The following ADAM28 variants were observed in gnomAD, a reference collection of about 807,000 sequenced individuals.
ADAM28 encodes ADAM metallopeptidase domain 28.
ADAM28 carries 105 observed loss-of-function variants against 101.2 expected under a neutral mutation model. The observed-to-expected ratio is 1.04, with a 90% CI of 0.89 to 1.22. ADAM28 has a LOEUF of 1.22. Among genes scored for constraint, ADAM28 ranks in the 50% most tolerant of loss-of-function variants. The pLI is 0.00. For missense variants in ADAM28, 1,028 were observed against 945.4 expected (o/e 1.09, Z -1.15); for synonymous variants, 322 against 310.6 (o/e 1.04, Z -0.39).
At chr8:24,311,207 A>G (rs978705595) in intron 4 of ADAM28, among the ~76,000 whole-genome samples, 154 bp from the exon 5 acceptor site, 5 of 152,212 alleles carry the variant, frequency 3.3e-5, no homozygotes, top group African/African-American at 1.2e-4. Context: ...TACATGAAAG[A>G]TTTTAATTAT....
chr8:24,330,060 G>A lies in ADAM28; in HGVS notation c.1048G>A (p.Asp350Asn), dbSNP rs777149299. 1.2e-6 allele frequency: 2 copies of A among 1,613,746 alleles called. No individual in the cohort carries two copies. Among genetic ancestry groups the A allele is most frequent in the South Asian group, 1.1e-5 (1 of 91,066 alleles). Reference sequence around the variant, plus strand: ...GGGCCACAACTTTGGAATGTTTCATGACGACTATTCTTGCAAGTGTCCTTC... The same window carrying A: ...GGGCCACAACTTTGGAATGTTTCATAACGACTATTCTTGCAAGTGTCCTTC... Reference protein sequence around the residue: ...EMGHNFGMFHDDYSCKCPSTI... With the variant: ...EMGHNFGMFHNDYSCKCPSTI... Residue 350 changes from aspartate (D) to asparagine (N), a missense_variant, in exon 11 of 23, where the codon GAC (aspartate) becomes AAC (asparagine). Physicochemically the swap from Asp to Asn is conservative, Grantham distance 23. Coordinates refer to ENST00000265769, the MANE Select transcript of ADAM28 (RefSeq NM_014265.6).
intron 5 of ADAM28, among the ~76,000 whole-genome samples, chr8:24,311,889 C>A (rs1168438344): frequency 6.6e-6 from 1 of 152,034 alleles, no homozygotes; most frequent in African/African-American, 2.4e-5. Flanking sequence ...CAGATGCCCG[C>A]CACCACACCT....
intron 1 of ADAM28, chr8:24,295,928 G>A (rs1250805812): frequency 6.6e-6 from 1 of 152,124 alleles, no homozygotes; most frequent in Admixed American, 6.6e-5. Flanking sequence ...CAATACATAT[G>A]TGCCCCTCTG....
At chr8:24,326,514 G>A (rs1199680382) in intron 9 of ADAM28, 40 bp from the exon 10 acceptor site, 2 of 1,572,534 alleles carry the variant, frequency 1.3e-6, no homozygotes, top group African/African-American at 1.4e-5. Flanking sequence ...ATAGAGCTTA[G>A]CATTATAATT....
intron 8 of ADAM28, chr8:24,322,506 C>T (rs1307151665): frequency 6.6e-6 from 1 of 152,024 alleles, no homozygotes; most frequent in Admixed American, 6.6e-5. Flanking sequence ...TTTGGAAATA[C>T]AGCAGTTTTG....
chr8:24,321,494 C>T (rs1811875095), intron 8 of ADAM28: 4 of 577,772 alleles, frequency 6.9e-6, no homozygotes, highest in Non-Finnish European at 3.2e-6. Context: ...TTCTTATTTA[C>T]CTGCCACAGT....
chr8:24,353,329 A>G (rs1480065545), intron 21 of ADAM28, among the ~76,000 whole-genome samples: 1 of 152,128 alleles, frequency 6.6e-6, no homozygotes, highest in Non-Finnish European at 1.5e-5. Context: ...GTGCTCATGA[A>G]GTAAGAATTA....
intron 14 of ADAM28, among the ~76,000 whole-genome samples, chr8:24,338,522 C>T (rs1482546128): frequency 6.6e-6 from 1 of 152,056 alleles, no homozygotes; most frequent in Non-Finnish European, 1.5e-5. Flanking sequence ...TTCTTTTCTT[C>T]CATGTAGATA....
At position 24,294,691 on chromosome 8, in the gene ADAM28, C is replaced by G. The variant is rs1807730775; in HGVS notation, c.46+496C>G. The stretch of plus-strand genomic sequence containing the variant: ...TATTAGTAATAATACGTGTGACTAA[C>G]TGGAAATAATTAATATTTTTTATTT... On this transcript the variant is annotated intron_variant, in intron 1 of 22. Transcript: ENST00000265769. Among the ~76,000 whole-genome samples the G allele has an allele frequency of 2.0e-5, 3 of 152,072 alleles. No homozygotes were observed. The South Asian group carries it at 6.2e-4, about 32-fold the overall frequency.
intron 12 of ADAM28, among the ~76,000 whole-genome samples, chr8:24,332,199 G>A (rs1012376873): frequency 1.3e-5 from 2 of 152,124 alleles, no homozygotes; most frequent in African/African-American, 4.8e-5. Flanking sequence ...GAGAGACTAA[G>A]ACAAAGTATT....
chr8:24,339,678 A>G (rs1814532523), intron 15 of ADAM28, 110 bp downstream of exon 15: 1 of 920,840 alleles, frequency 1.1e-6, no homozygotes, highest in Non-Finnish European at 1.7e-6. Context: ...TTGGTCATCA[A>G]TCATTTGACA....
rs891719488 is a variant in ADAM28 at position 24,356,494 on chromosome 8, G to A, written c.*2090G>A. The A allele has an allele frequency of 2.0e-5, 3 of 152,096 alleles. No individual in the cohort carries two copies. The highest frequency in any genetic ancestry group is 4.8e-5 in the African/African-American group (2 of 41,432). The allele number at this position is 152,096 out of a possible 1,614,324, so 9.4% of individuals were successfully genotyped here. On this transcript the variant is annotated 3_prime_UTR_variant, in exon 23 of 23. Coordinates refer to ENST00000265769, the MANE Select transcript of ADAM28 (RefSeq NM_014265.6). The stretch of plus-strand genomic sequence containing the variant: ...GGTCCCTGATGCAGATGCATCATAC[G>A]TCCTATTTGAAGAGAAGAAATGCAG...
At chr8:24,321,155 T>A (rs923896187) in intron 7 of ADAM28, 63 bp from the exon 8 acceptor site, 3 of 1,038,860 alleles carry the variant, frequency 2.9e-6, no homozygotes, top group Non-Finnish European at 4.5e-6. Flanking sequence ...AAGATGCCTT[T>A]TTAACCTTCC....
At chr8:24,316,193 C>T (rs1811140394) in intron 6 of ADAM28, among the ~76,000 whole-genome samples, 1 of 151,814 alleles carries the variant, frequency 6.6e-6, no homozygotes. Flanking sequence ...CAGCTAGGAA[C>T]ATGTTTTTCC....
At chr8:24,334,983 C>G (rs921918591) in intron 13 of ADAM28, among the ~76,000 whole-genome samples, 3 of 152,112 alleles carry the variant, frequency 2.0e-5, no homozygotes, top group Non-Finnish European at 4.4e-5. Flanking sequence ...TTAGGAAACT[C>G]GAGGCCTGGG....
chr8:24,358,243 C>T lies in ADAM28; in HGVS notation c.*3839C>T, dbSNP rs1224862554. On this transcript the variant is annotated 3_prime_UTR_variant, in exon 23 of 23. Transcript: ENST00000265769. ...CATCATTCAAAGACACCATTATTTC[C>T]TAAGTGTTATATTGCTATTTTTCAG... is the stretch of plus-strand genomic sequence containing the variant. 6.6e-6 allele frequency: 1 copy of T among 152,140 alleles called. No homozygotes were observed. The highest frequency in any genetic ancestry group is 1.5e-5 in the Non-Finnish European group (1 of 68,018). 9.4% of individuals were successfully genotyped at this position (152,140 alleles called of 1,614,324 possible).
At chr8:24,320,368 T>C (rs1811709485) in intron 7 of ADAM28, 61 bp downstream of exon 7, 3 of 1,084,496 alleles carry the variant, frequency 2.8e-6, no homozygotes, top group South Asian at 1.4e-5. Flanking sequence ...ATTTATTTAT[T>C]ATGTGAGACA....
intron 6 of ADAM28, among the ~76,000 whole-genome samples, chr8:24,319,382 C>T (rs894077458): frequency 6.6e-6 from 1 of 151,974 alleles, no homozygotes; most frequent in African/African-American, 2.4e-5. Flanking sequence ...GGTCTCTCTG[C>T]TGATGGAGCT....
At chr8:24,299,120 G>A (rs1309863954) in intron 1 of ADAM28, among the ~76,000 whole-genome samples, 1 of 152,130 alleles carries the variant, frequency 6.6e-6, no homozygotes, top group East Asian at 1.9e-4. Flanking sequence ...TTGAGCCCAG[G>A]ATGTTGAGGC....
Sources: gnomAD v4.1 joint callset for allele counts (sites outside exome capture counted in the v4.1 genomes callset) on GRCh38, gnomAD v4.1.1 for gene constraint, MANE v1.5 for transcripts, NCBI Gene and HGNC (gene_info 2026-07-23, HGNC 2026-07-21) for gene names.